The following PCNX1 variants were observed in gnomAD, a reference collection of about 807,000 sequenced individuals.
PCNX1 encodes pecanex 1.
Under a neutral mutation model 242.2 loss-of-function variants are expected in PCNX1, and 78 were observed. The ratio of observed to expected loss-of-function variants is 0.32; its 90% CI spans 0.27 to 0.39. The LOEUF is 0.39. Ranked by LOEUF, PCNX1 falls within the 10% of genes least tolerant of loss-of-function variation. The pLI, the probability that PCNX1 is intolerant of heterozygous loss-of-function variation, is 1.00. For missense variants in PCNX1, 2,581 were observed against 2,856.5 expected (o/e 0.90, Z 2.20); for synonymous variants, 1,024 against 1,032.9 (o/e 0.99, Z 0.17).
At chr14:70,973,616 G>C (rs2058604877) in intron 5 of PCNX1, among the ~76,000 whole-genome samples, 1 of 151,978 alleles carries the variant, frequency 6.6e-6, no homozygotes, top group Non-Finnish European at 1.5e-5. Flanking sequence ...TAGCAAGCAG[G>C]AGAAGTAAAG....
intron 16 of PCNX1, among the ~76,000 whole-genome samples, chr14:71,030,665 GT>G (rs1397370860): frequency 2.6e-5 from 4 of 152,086 alleles, no homozygotes; most frequent in Non-Finnish European, 5.9e-5. Context: ...ATGACAGCCA[GT>G]TCTTGTTTGT....
chr14:71,089,257 T>C lies in PCNX1; in HGVS notation c.5504T>C (p.Ile1835Thr). 1 of 1,611,694 alleles carries C rather than the reference T, an allele frequency of 6.2e-7. No individual in the cohort carries two copies. Among genetic ancestry groups the C allele is most frequent in the East Asian group, 2.2e-5 (1 of 44,856 alleles). ...AAAGGAGATTTCCGTATTTCTTCAA[T>C]TCGAGATGAATGGATCTTTGCTGAC... ...LFKGDFRISS[I>T]RDEWIFADME... The change falls in exon 30 of 36, where the codon ATT becomes ACT. Residue 1835 changes from isoleucine (I) to threonine (T), a missense_variant. Physicochemically the swap from Ile to Thr is moderately conservative, Grantham distance 89. Around this residue, in one of 9 missense-constraint regions of PCNX1, gnomAD observed 298 missense variants for 480.1 expected, o/e 0.62. Coordinates refer to ENST00000304743, the MANE Select transcript of PCNX1 (RefSeq NM_014982.3).
At chr14:70,921,485 G>A (rs183969507) in intron 1 of PCNX1, among the ~76,000 whole-genome samples, 114 of 152,158 alleles carry the variant, frequency 7.5e-4, no homozygotes, top group African/African-American at 2.6e-3. Context: ...TGCCTATGTT[G>A]CCCAGGCTGG....
intron 33 of PCNX1, 57 bp from the exon 34 acceptor site, chr14:71,108,547 G>C: frequency 7.3e-7 from 1 of 1,364,146 alleles, no homozygotes; most frequent in Non-Finnish European, 1.0e-6. Flanking sequence ...CTGCAAAACA[G>C]AAGTATTGTG....
chr14:70,928,353 G>A (rs2056667132), intron 1 of PCNX1, among the ~76,000 whole-genome samples: 1 of 152,096 alleles, frequency 6.6e-6, no homozygotes, highest in Admixed American at 6.5e-5. Context: ...TTACTTAATT[G>A]TGAATCCTGA....
chr14:71,106,472 A>T (rs1284849622), intron 33 of PCNX1, among the ~76,000 whole-genome samples: 1 of 152,128 alleles, frequency 6.6e-6, no homozygotes, highest in Non-Finnish European at 1.5e-5. Context: ...TAGAGACTTT[A>T]AAAATGAAAT....
chr14:71,032,107 C>T (rs953794333), intron 16 of PCNX1: 3 of 597,186 alleles, frequency 5.0e-6, no homozygotes, highest in African/African-American at 3.7e-5. Context: ...GAAAGCAGGT[C>T]GCTCAAGAGA....
At chr14:71,103,929 A>T (rs1463094250) in intron 32 of PCNX1, among the ~76,000 whole-genome samples, 1 of 152,106 alleles carries the variant, frequency 6.6e-6, no homozygotes, top group Non-Finnish European at 1.5e-5. Context: ...TATTTGTTTA[A>T]TTTTTTTAAC....
At chr14:70,986,582 A>C (rs1285298703) in intron 6 of PCNX1, among the ~76,000 whole-genome samples, 1 of 152,200 alleles carries the variant, frequency 6.6e-6, no homozygotes, top group African/African-American at 2.4e-5. Flanking sequence ...CAGTAGAAGG[A>C]AGATAGTAAA....
chr14:70,915,995 T>A (rs1287061983), intron 1 of PCNX1, among the ~76,000 whole-genome samples: 1 of 152,120 alleles, frequency 6.6e-6, no homozygotes, highest in Non-Finnish European at 1.5e-5. Flanking sequence ...AAACAGTTCA[T>A]GGGAAAAGTT....
intron 1 of PCNX1, among the ~76,000 whole-genome samples, chr14:70,910,055 T>TCCCCCC (rs1430220160): frequency 5.8e-5 from 3 of 51,594 alleles, no homozygotes; most frequent in African/African-American, 1.6e-4. Context: ...CTCCTCCTCC[T>TCCCCCC]CCTCCTCCCC....
At chr14:70,969,503 A>G (rs967918428) in intron 5 of PCNX1, among the ~76,000 whole-genome samples, 13 of 152,212 alleles carry the variant, frequency 8.5e-5, no homozygotes, top group African/African-American at 2.7e-4. Context: ...TCTCTTGCCA[A>G]CTGCAAAAAC....
Position 71,113,560 on chromosome 14 carries a change from T to G in PCNX1, c.*3625T>G, listed in dbSNP as rs1470974391. The G allele has an allele frequency of 1.3e-5, 2 of 152,690 alleles. No homozygotes were observed. Among genetic ancestry groups the G allele is most frequent in the East Asian group, 3.8e-4 (2 of 5,206 alleles). The allele number at this position is 152,690 out of a possible 1,614,324, so 9.5% of individuals were successfully genotyped here. A position where few individuals can be genotyped will look rare whatever the true frequency, so the allele number is the denominator to read the frequency against. On this transcript the variant is annotated 3_prime_UTR_variant, in exon 36 of 36. Coordinates refer to ENST00000304743, the MANE Select transcript of PCNX1 (RefSeq NM_014982.3). ...CTGAGCAGCATCCTTCTGCCTCTGCTTAGCAGCTCTGCATTTGGTGGATTG... is the reference window on the plus strand; with the variant it reads ...CTGAGCAGCATCCTTCTGCCTCTGCGTAGCAGCTCTGCATTTGGTGGATTG...
At chr14:71,086,981 A>G (rs1010286573) in intron 28 of PCNX1, among the ~76,000 whole-genome samples, 15 of 152,076 alleles carry the variant, frequency 9.9e-5, no homozygotes, top group African/African-American at 3.6e-4. Flanking sequence ...GGCTGAGGTA[A>G]ATCTGAATTA....
At chr14:70,944,081 A>C (rs1263482657) in intron 1 of PCNX1, among the ~76,000 whole-genome samples, 1 of 152,214 alleles carries the variant, frequency 6.6e-6, no homozygotes, top group South Asian at 2.1e-4. Flanking sequence ...TGGAAGGGAA[A>C]TGTGGGGTTG....
Position 70,995,939 on chromosome 14 carries a change from A to G in PCNX1, c.2629+14A>G, listed in dbSNP as rs202241066. The G allele has an allele frequency of 2.5e-4, 407 of 1,602,054 alleles. 2 individuals are homozygous for G. Among genetic ancestry groups the G allele is most frequent in the South Asian group, 2.4e-3 (215 of 90,838 alleles). On this transcript the variant is annotated intron_variant, in intron 8 of 35. Transcript: ENST00000304743. Reference sequence around the variant, plus strand: ...ACGATGAACTTGGTATGCAGGCCTTATGTAATCTTGATGATACAAAAACTT... The same window carrying G: ...ACGATGAACTTGGTATGCAGGCCTTGTGTAATCTTGATGATACAAAAACTT...
chr14:71,083,743 T>C (rs1328229077), intron 28 of PCNX1, among the ~76,000 whole-genome samples: 1 of 152,130 alleles, frequency 6.6e-6, no homozygotes, highest in African/African-American at 2.4e-5. Flanking sequence ...TAGTTAGCAA[T>C]TCCTCTGACC....
intron 2 of PCNX1, among the ~76,000 whole-genome samples, chr14:70,958,517 A>G (rs1023658459): frequency 6.6e-6 from 1 of 152,164 alleles, no homozygotes; most frequent in South Asian, 2.1e-4. Context: ...TCAGGATGCA[A>G]CGTTTCAAAC....
Position 71,047,816 on chromosome 14 carries a change from T to G in PCNX1, c.4170T>G (p.Ala1390=). Residue 1390 remains alanine (A), a synonymous_variant, in exon 22 of 36, where the codon GCT becomes GCG. Coordinates refer to ENST00000304743, the MANE Select transcript of PCNX1 (RefSeq NM_014982.3). ...SPKKLNTELG[A]LMITVAGLKL... ...TTTCTTTGTGCCACAGATTAGGTGC[T>G]TTAATGATCACTGTTGCTGGTTTGA... 2 of 1,608,892 alleles carry G rather than the reference T, an allele frequency of 1.2e-6. No homozygotes were observed. The highest frequency in any genetic ancestry group is 1.1e-5 in the South Asian group (1 of 90,426).
Sources: allele counts gnomAD v4.1 joint callset (sites outside exome capture counted in the v4.1 genomes callset), GRCh38; gene constraint gnomAD v4.1.1; regional missense constraint gnomAD v4.1.1; transcripts MANE v1.5; gene names NCBI Gene and HGNC (gene_info 2026-07-23, HGNC 2026-07-21).